Variants in HSPG2 observed in about 807,000 individuals in gnomAD.
HSPG2 encodes the protein basement membrane-specific heparan sulfate proteoglycan core protein.
A neutral mutation model predicts 526.6 loss-of-function variants in HSPG2; 278 were observed. The observed-to-expected ratio is 0.53, with a 90% CI of 0.48 to 0.58. The LOEUF (loss-of-function observed/expected upper bound fraction) is 0.58. Ranked by LOEUF, HSPG2 falls within the 20% of genes least tolerant of loss-of-function variation. The probability of loss-of-function intolerance (pLI) is 0.00; values close to 1 mark genes in which losing one functional copy is unlikely to be tolerated. For missense variants in HSPG2, 5,354 were observed against 6,099.5 expected, an observed-to-expected ratio of 0.88 and a Z score of 4.07; for synonymous variants, 2,465 against 2,555.4, an observed-to-expected ratio of 0.96 and a Z score of 1.07.
In HSPG2 at chr1:21,842,934, G is replaced by T. The variant is rs139605410; in HGVS notation, c.8759-13C>A. On this transcript the variant is annotated splice_polypyrimidine_tract_variant and intron_variant, in intron 66 of 96. Transcript: ENST00000374695. ...GCCAGTCCTGGAGCTGTGGGCACAGGGGGTGGGTGAGAGAGGCCAGGCTCC... is the reference window on the plus strand; with the variant it reads ...GCCAGTCCTGGAGCTGTGGGCACAGTGGGTGGGTGAGAGAGGCCAGGCTCC... The T allele has an allele frequency of 2.5e-6, 4 of 1,614,028 alleles. No homozygotes were observed. The highest frequency in any genetic ancestry group is 2.7e-5 in the African/African-American group (2 of 75,060).
intron 55 of HSPG2, 168 bp downstream of exon 55, chr1:21,851,378 C>A (rs1017845339): frequency 2.2e-6 from 2 of 894,028 alleles, no homozygotes; most frequent in African/African-American, 3.3e-5. Flanking sequence ...GAATTCACAC[C>A]CAGGTTAGTC....
At position 21,893,236 on chromosome 1, in the gene HSPG2, G is replaced by A. The variant is rs924379297; in HGVS notation, c.245-2542C>T. The stretch of plus-strand genomic sequence containing the variant: ...GCCCAGGATTGGCCTGTGCTGGGGT[G>A]GACACAAGTGGCCTCTGGAATGCAG... On this transcript the variant is annotated intron_variant, in intron 3 of 96. Coordinates refer to ENST00000374695, the MANE Select transcript of HSPG2 (RefSeq NM_005529.7). This position sits in a 1 kb window ranked among gnomAD's most constrained non-coding sequence, Gnocchi z 4.3. Among the ~76,000 whole-genome samples, 15 of 152,198 alleles carry A rather than the reference G, an allele frequency of 9.9e-5. No individual in the cohort carries two copies. The highest frequency in any genetic ancestry group is 1.8e-4 in the Non-Finnish European group (12 of 68,020).
At chr1:21,873,670 C>G (rs1235193679) in intron 29 of HSPG2, among the ~76,000 whole-genome samples, 1 of 152,134 alleles carries the variant, frequency 6.6e-6, no homozygotes, top group Non-Finnish European at 1.5e-5. Context: ...TGTGGGAAGA[C>G]TCTGGCCTGG....
chr1:21,851,888 A>G lies in HSPG2; in HGVS notation c.6909T>C (p.Pro2303=). The G allele has an allele frequency of 6.2e-7, 1 of 1,611,830 alleles. No individual in the cohort carries two copies. Among genetic ancestry groups the G allele is most frequent in the Non-Finnish European group, 8.5e-7 (1 of 1,179,380 alleles). ...GGCAGACGTACTGTCCCGCATCGGCAGGTGAGGCCTGGAAGATGTACAGGC... is the reference window on the plus strand; with the variant it reads ...GGCAGACGTACTGTCCCGCATCGGCGGGTGAGGCCTGGAAGATGTACAGGC... The part of the protein sequence containing the change: ...GSRLYIFQAS[P]ADAGQYVCRA... The change falls in exon 54 of 97, where the codon CCT becomes CCC. Residue 2303 remains proline (P), a synonymous_variant. Coordinates refer to ENST00000374695, the MANE Select transcript of HSPG2 (RefSeq NM_005529.7).
intron 85 of HSPG2, chr1:21,830,345 A>T: frequency 1.9e-6 from 1 of 521,446 alleles, no homozygotes; most frequent in Non-Finnish European, 3.5e-6. Flanking sequence ...ACAGTGTTGG[A>T]GGGGGAGCAC....
intron 1 of HSPG2, among the ~76,000 whole-genome samples, chr1:21,909,013 C>T (rs1175309351): frequency 2.0e-5 from 3 of 152,198 alleles, no homozygotes; most frequent in South Asian, 2.1e-4. Flanking sequence ...GAGGCTGAGG[C>T]AGGAGAATCG....
At position 21,904,565 on chromosome 1, in the gene HSPG2, C is replaced by T. The variant is rs565366088; in HGVS notation, c.64-8255G>A. On this transcript the variant is annotated intron_variant, in intron 1 of 96. Transcript: ENST00000374695. The surrounding 1 kb of genome is among the most constrained non-coding windows in gnomAD (Gnocchi z 4.4). ...TGCACTCTCCTCCGTCCCCCACAGA[C>T]ACCCCAAGATTAGGTCTCCCCTGGT... is the stretch of plus-strand genomic sequence containing the variant. Among the ~76,000 whole-genome samples the T allele has an allele frequency of 6.6e-6, 1 of 152,348 alleles. No individual in the cohort carries two copies. Among genetic ancestry groups the T allele is most frequent in the African/African-American group, 2.4e-5 (1 of 41,590 alleles).
At chr1:21,888,687 C>A (rs1211831925) in intron 6 of HSPG2, 1 of 1,365,570 alleles carries the variant, frequency 7.3e-7, no homozygotes, top group African/African-American at 1.5e-5. Flanking sequence ...CTGCGACCGC[C>A]ACAGCGGCCG....
Position 21,937,306 on chromosome 1 carries a change from ACAGC to A in HSPG2, c.-93_-90del, listed in dbSNP as rs1644517890. 6.4e-6 allele frequency: 2 copies of A among 312,174 alleles called. No individual in the cohort carries two copies. The highest frequency in any genetic ancestry group is 5.9e-5 in the African/African-American group (2 of 34,100). The allele number at this position is 312,174 out of a possible 1,614,324, so 19.3% of individuals were successfully genotyped here. ...CCGCCCGCTCGCCGGCCAGCTCGGG[ACAGC>A]GCGGCCCTCTCCCCACCGCCCCCTT... is the stretch of plus-strand genomic sequence containing the variant. On this transcript the variant is annotated 5_prime_UTR_variant, in exon 1 of 97. Coordinates refer to ENST00000374695, the MANE Select transcript of HSPG2 (RefSeq NM_005529.7).
At chr1:21,921,760 T>G (rs969819311) in intron 1 of HSPG2, among the ~76,000 whole-genome samples, 4 of 152,184 alleles carry the variant, frequency 2.6e-5, no homozygotes, top group Admixed American at 2.6e-4. Flanking sequence ...TAAGCCCAGC[T>G]GGCCTGGTGA....
At position 21,841,997 on chromosome 1, in the gene HSPG2, C is replaced by T. The variant is rs2098050566; in HGVS notation, c.9193+5G>A. On this transcript the variant is annotated splice_donor_5th_base_variant and intron_variant, in intron 69 of 96. Coordinates refer to ENST00000374695, the MANE Select transcript of HSPG2 (RefSeq NM_005529.7). Reference sequence around the variant, plus strand: ...CTTGCCCACCTGCCCACCAGCCTGGCTCACCCTCCAGCTCCTGGTTCCGGG... The same window carrying T: ...CTTGCCCACCTGCCCACCAGCCTGGTTCACCCTCCAGCTCCTGGTTCCGGG... The T allele has an allele frequency of 6.2e-7, 1 of 1,613,116 alleles. No homozygotes were observed. The highest frequency in any genetic ancestry group is 2.2e-5 in the East Asian group (1 of 44,870).
rs556737027 is a variant in HSPG2 at position 21,852,566 on chromosome 1, C to T, written c.6724+134G>A. On this transcript the variant is annotated intron_variant, in intron 52 of 96. Transcript: ENST00000374695. ...CGGTGGTTACTCTGACAGGTGGAGT[C>T]GGCCTGGGCAGGGCCCTGCAGCCAG... 187 of 1,239,658 alleles carry T rather than the reference C, an allele frequency of 1.5e-4. 2 individuals carry two copies. The East Asian group carries it at 4.0e-3, about 26-fold the overall frequency. 76.8% of individuals were successfully genotyped at this position (1,239,658 alleles called of 1,614,324 possible).
intron 37 of HSPG2, among the ~76,000 whole-genome samples, chr1:21,862,833 GGT>G (rs1639904933): frequency 6.6e-6 from 1 of 151,842 alleles, no homozygotes; most frequent in African/African-American, 2.4e-5. Flanking sequence ...TCAGGACGTG[GGT>G]GGATCACCTG....
Position 21,836,876 on chromosome 1 carries a change from C to A in HSPG2, c.10281G>T (p.Arg3427=), listed in dbSNP as rs1424851235. ...VEFHCAVPSD[R]GTQLRWFKEG... ...CCTTGAACCAACGGAGCTGGGTACC[C>A]CGGTCGCTGGGCACAGCACAGTGGA... is the stretch of plus-strand genomic sequence containing the variant. The change falls in exon 75 of 97, where the codon CGG becomes CGT. Residue 3427 remains arginine (R), a synonymous_variant. Coordinates refer to ENST00000374695, the MANE Select transcript of HSPG2 (RefSeq NM_005529.7). 6.3e-7 allele frequency: 1 copy of A among 1,576,076 alleles called. No individual in the cohort carries two copies. The highest frequency in any genetic ancestry group is 1.7e-4 in the Middle Eastern group (1 of 6,016).
intron 95 of HSPG2, 156 bp downstream of exon 95, chr1:21,823,965 G>T: frequency 1.2e-6 from 1 of 838,796 alleles, no homozygotes; most frequent in Non-Finnish European, 1.9e-6. Flanking sequence ...AGTCCGAGAT[G>T]GAAGCCCGAG....
At chr1:21,902,028 C>T (rs1482417402) in intron 1 of HSPG2, among the ~76,000 whole-genome samples, 1 of 152,200 alleles carries the variant, frequency 6.6e-6, no homozygotes. Flanking sequence ...AACCCAGGCC[C>T]CAGACACAGG....
At chr1:21,838,158 A>G (rs1572178604) in intron 74 of HSPG2, among the ~76,000 whole-genome samples, 1 of 133,788 alleles carries the variant, frequency 7.5e-6, no homozygotes, top group East Asian at 1.9e-4. Context: ...AAAAAAAAAA[A>G]GAAAGAAACT....
rs757423245 is a variant in HSPG2 at position 21,888,034 on chromosome 1, C to T, written c.607G>A (p.Glu203Lys). Residue 203 changes from glutamate to lysine, a missense_variant, in exon 7 of 97, where the codon GAG (glutamate) becomes AAG (lysine). Physicochemically the swap from Glu to Lys is moderately conservative, Grantham distance 56 (BLOSUM62 1). Coordinates refer to ENST00000374695, the MANE Select transcript of HSPG2 (RefSeq NM_005529.7). ...TCATTGTAGCTGTGGCAGGCAAACTCGGCCTCCGTGCAGGCTCTTGGGAAC... is the reference window on the plus strand; with the variant it reads ...TCATTGTAGCTGTGGCAGGCAAACTTGGCCTCCGTGCAGGCTCTTGGGAAC... ...PQFPRACTEA[E>K]FACHSYNECV... is the part of the protein sequence containing the mutation. The T allele has an allele frequency of 6.8e-6, 11 of 1,614,054 alleles. No individual in the cohort carries two copies. The highest frequency in any genetic ancestry group is 6.7e-5 in the Admixed American group (4 of 60,012).
intron 1 of HSPG2, among the ~76,000 whole-genome samples, chr1:21,923,839 G>A (rs182791855): frequency 6.6e-6 from 1 of 152,310 alleles, no homozygotes; most frequent in Non-Finnish European, 1.5e-5. Context: ...CTGTCACTCC[G>A]AGAATGTTTG....
Sources: gnomAD v4.1 joint callset for allele counts (sites outside exome capture counted in the v4.1 genomes callset) on GRCh38, gnomAD v4.1.1 for gene constraint, Gnocchi (gnomAD v3.1) non-coding constraint, MANE v1.5 for transcripts, NCBI Gene and HGNC (gene_info 2026-07-23, HGNC 2026-07-21) for gene names.